PHF21A: variants seen among roughly 807,000 people sequenced by gnomAD.
PHF21A encodes the protein PHD finger protein 21A.
In PHF21A, 11 loss-of-function variants were observed where a neutral mutation model predicts 82.5. The ratio of observed to expected loss-of-function variants is 0.13; its 90% CI spans 0.08 to 0.22. PHF21A has a LOEUF of 0.22. PHF21A is among the 10% of genes least tolerant of loss of function. PHF21A has a pLI of 1.00. For synonymous variants in PHF21A, 297 were observed against 302.8 expected (o/e 0.98, Z 0.20); for missense variants, 579 against 837.8 (o/e 0.69, Z 3.81).
chr11:45,986,712 T>C (rs998696272), intron 6 of PHF21A, among the ~76,000 whole-genome samples: 3 of 152,160 alleles, frequency 2.0e-5, no homozygotes, highest in Admixed American at 6.5e-5. Context: ...TAGGAAACTG[T>C]CAGGGGCAAT....
intron 7 of PHF21A, among the ~76,000 whole-genome samples, chr11:45,972,627 A>G (rs2093823365): frequency 6.6e-6 from 1 of 152,000 alleles, no homozygotes; most frequent in Non-Finnish European, 1.5e-5. Flanking sequence ...AGAATACAAA[A>G]AGTAGACCAG....
chr11:46,029,074 T>A (rs895820685), intron 6 of PHF21A, among the ~76,000 whole-genome samples: 1 of 152,242 alleles, frequency 6.6e-6, no homozygotes, highest in East Asian at 1.9e-4. Flanking sequence ...AAACAAAATG[T>A]AGCTTGCAAA....
chr11:46,030,665 T>A (rs775517030), intron 6 of PHF21A, among the ~76,000 whole-genome samples: 3 of 152,218 alleles, frequency 2.0e-5, no homozygotes, highest in Non-Finnish European at 4.4e-5. Context: ...AACAACTGCA[T>A]CATAAACATA....
intron 3 of PHF21A, among the ~76,000 whole-genome samples, chr11:46,087,215 A>G (rs1008018520): frequency 3.9e-5 from 6 of 152,264 alleles, no homozygotes; most frequent in Admixed American, 3.9e-4. Context: ...AAGGATTTGT[A>G]GATAAAGCAT....
chr11:46,033,037 T>C (rs949760471), intron 6 of PHF21A, among the ~76,000 whole-genome samples: 2 of 152,234 alleles, frequency 1.3e-5, no homozygotes, highest in African/African-American at 4.8e-5. Context: ...GAATTTCTTC[T>C]AACTTTACCA....
intron 7 of PHF21A, among the ~76,000 whole-genome samples, chr11:45,973,027 G>A (rs927593819): frequency 4.6e-5 from 7 of 152,076 alleles, no homozygotes; most frequent in East Asian, 3.9e-4. Flanking sequence ...GCAGTGAGCC[G>A]AGATCACACC....
intron 7 of PHF21A, among the ~76,000 whole-genome samples, chr11:45,972,663 C>T (rs1323872517): frequency 6.6e-6 from 1 of 152,138 alleles, no homozygotes; most frequent in African/African-American, 2.4e-5. Flanking sequence ...CCTGTAATCC[C>T]AGCACTTTGG....
intron 1 of PHF21A, among the ~76,000 whole-genome samples, chr11:46,115,960 T>C (rs1335112478): frequency 6.6e-6 from 1 of 152,194 alleles, no homozygotes; most frequent in Non-Finnish European, 1.5e-5. Flanking sequence ...AACAGTTAAG[T>C]GTTTTTCTCA....
At chr11:45,988,976 CA>C (rs1246780400) in intron 6 of PHF21A, among the ~76,000 whole-genome samples, 1 of 152,114 alleles carries the variant, frequency 6.6e-6, no homozygotes, top group Non-Finnish European at 1.5e-5. Flanking sequence ...TTAAATTTAC[CA>C]CCAAATATTT....
At chr11:45,956,674 A>C (rs1381867955) in intron 10 of PHF21A, among the ~76,000 whole-genome samples, 1 of 152,166 alleles carries the variant, frequency 6.6e-6, no homozygotes, top group Non-Finnish European at 1.5e-5. Flanking sequence ...GAAAATAATT[A>C]TATACAGAAA....
intron 3 of PHF21A, among the ~76,000 whole-genome samples, chr11:46,087,604 G>T (rs1490680646): frequency 6.6e-6 from 1 of 152,188 alleles, no homozygotes; most frequent in East Asian, 1.9e-4. Context: ...AGACTGGTCT[G>T]TGCGGAAAGA....
chr11:45,951,910 T>G (rs2860376), intron 11 of PHF21A, among the ~76,000 whole-genome samples: 132,210 of 151,454 alleles, frequency 0.87, 58,025 homozygotes, highest in East Asian at 1. Flanking sequence ...GGGTTCAAGC[T>G]ATTCTCCAGC....
intron 6 of PHF21A, among the ~76,000 whole-genome samples, chr11:46,020,184 C>T (rs1459106994): frequency 1.3e-5 from 2 of 152,268 alleles, no homozygotes; most frequent in South Asian, 2.1e-4. Flanking sequence ...TTGATCCCTA[C>T]TTTGTGGCAT....
intron 6 of PHF21A, among the ~76,000 whole-genome samples, chr11:46,023,491 T>TAG (rs1202508899): frequency 1.3e-5 from 2 of 152,320 alleles, no homozygotes; most frequent in African/African-American, 2.4e-5. Flanking sequence ...TAGAAAGGGT[T>TAG]AGGTCAGCAT....
chr11:46,084,870 C>T (rs1000362418), intron 3 of PHF21A, among the ~76,000 whole-genome samples: 5 of 152,018 alleles, frequency 3.3e-5, no homozygotes, highest in South Asian at 2.1e-4. Flanking sequence ...TTAATAGAGA[C>T]GGGGTTTCAC....
At chr11:46,009,934 A>G (rs1293978946) in intron 6 of PHF21A, among the ~76,000 whole-genome samples, 1 of 152,252 alleles carries the variant, frequency 6.6e-6, no homozygotes, top group Non-Finnish European at 1.5e-5. Flanking sequence ...AGGGGCCGTC[A>G]GTCACTTTAC....
At position 45,934,075 on chromosome 11, in the gene PHF21A, C is replaced by G; in HGVS notation, c.1939G>C (p.Gly647Arg). ...TTGGCAGGGGGGGTGCAGTCCGGGCCATTGGAGATGGCCCCCACAGTGGCC... is the reference window on the plus strand; with the variant it reads ...TTGGCAGGGGGGGTGCAGTCCGGGCGATTGGAGATGGCCCCCACAGTGGCC... Reference protein sequence around the residue: ...SEATVGAISNGPDCTPPANAA... With the variant: ...SEATVGAISNRPDCTPPANAA... Residue 647 changes from glycine to arginine, a missense_variant, in exon 19 of 19, where the codon GGC becomes CGC. By Grantham distance (125) the Gly-to-Arg change is moderately radical (BLOSUM62 -2). Transcript: ENST00000676320. 6.2e-7 allele frequency: 1 copy of G among 1,614,080 alleles called. No individual in the cohort carries two copies. Among genetic ancestry groups the G allele is most frequent in the Non-Finnish European group, 8.5e-7 (1 of 1,179,982 alleles).
At chr11:45,957,331 A>C (rs1449714417) in intron 10 of PHF21A, among the ~76,000 whole-genome samples, 2 of 152,228 alleles carry the variant, frequency 1.3e-5, no homozygotes, top group Admixed American at 1.3e-4. Context: ...AGCAGCATGC[A>C]TATTTTTATC....
intron 6 of PHF21A, among the ~76,000 whole-genome samples, chr11:46,033,927 T>C (rs1158925704): frequency 6.6e-6 from 1 of 152,232 alleles, no homozygotes; most frequent in East Asian, 1.9e-4. Context: ...TCTTCAAATT[T>C]GCTAGAAAAT....
Sources: allele counts gnomAD v4.1 joint callset (sites outside exome capture counted in the v4.1 genomes callset), GRCh38; gene constraint gnomAD v4.1.1; transcripts MANE v1.5; gene names NCBI Gene and HGNC (gene_info 2026-07-23, HGNC 2026-07-21).